Variants in CACNA2D3 observed in about 807,000 individuals in gnomAD.
The protein encoded by CACNA2D3 is voltage-dependent calcium channel subunit alpha-2/delta-3.
In CACNA2D3, 60 loss-of-function variants were observed where a neutral mutation model predicts 160.6. The observed-to-expected ratio is 0.37, with a 90% confidence interval of 0.30 to 0.46. The LOEUF is 0.46. CACNA2D3 is among the 20% of genes least tolerant of loss of function. The probability of loss-of-function intolerance (pLI) is 1.00; values close to 1 mark genes in which losing one functional copy is unlikely to be tolerated. For missense variants in CACNA2D3, 1,205 were observed against 1,365.0 expected, an observed-to-expected ratio of 0.88 and a Z score of 1.85; for synonymous variants, 558 against 492.9, an observed-to-expected ratio of 1.13 and a Z score of -1.75.
At chr3:55,034,799 A>G (rs1020560695) in intron 35 of CACNA2D3, among the ~76,000 whole-genome samples, 2 of 152,128 alleles carry the variant, frequency 1.3e-5, no homozygotes, top group African/African-American at 4.8e-5. Flanking sequence ...TCTTTAACCA[A>G]CACCACTTAG....
At chr3:54,576,897 C>T (rs987966786) in intron 8 of CACNA2D3, among the ~76,000 whole-genome samples, 1 of 151,926 alleles carries the variant, frequency 6.6e-6, no homozygotes, top group Non-Finnish European at 1.5e-5. Flanking sequence ...ATTAGCTGGA[C>T]GTGGTGGCAT....
intron 27 of CACNA2D3, among the ~76,000 whole-genome samples, chr3:54,945,729 A>G (rs1302327040): frequency 6.6e-6 from 1 of 152,148 alleles, no homozygotes; most frequent in Non-Finnish European, 1.5e-5. Flanking sequence ...TTAGGTGTCT[A>G]TAGGCAGCCT....
chr3:54,502,751 G>T (rs1701314124), intron 4 of CACNA2D3, among the ~76,000 whole-genome samples: 2 of 152,138 alleles, frequency 1.3e-5, no homozygotes, highest in South Asian at 4.1e-4. Context: ...TGTGAAGTAG[G>T]AATACTCATA....
At chr3:54,687,135 G>GTTTTTTTTTTTTTTTTTTTTTTTTTTTTT (rs1290353261) in intron 11 of CACNA2D3, among the ~76,000 whole-genome samples, 1 of 88,896 alleles carries the variant, frequency 1.1e-5, no homozygotes, top group Non-Finnish European at 2.2e-5. Context: ...TTTTTTTTTT[G>GTTTTTTTTTTTTTTTTTTTTTTTTTTTTT]TTTTTTTTTT....
chr3:54,166,023 G>A (rs1398494269), intron 2 of CACNA2D3, among the ~76,000 whole-genome samples: 1 of 152,124 alleles, frequency 6.6e-6, no homozygotes, highest in Non-Finnish European at 1.5e-5. Context: ...TAAGAGAGGA[G>A]CCCAGACATG....
At chr3:55,016,271 G>C (rs1046830514) in intron 34 of CACNA2D3, among the ~76,000 whole-genome samples, 1 of 152,208 alleles carries the variant, frequency 6.6e-6, no homozygotes, top group African/African-American at 2.4e-5. Context: ...TAGCACGAGT[G>C]CAGCAGGAGT....
At chr3:54,381,669 C>T (rs544728367) in intron 3 of CACNA2D3, among the ~76,000 whole-genome samples, 2 of 152,184 alleles carry the variant, frequency 1.3e-5, no homozygotes, top group East Asian at 1.9e-4. Context: ...TAATGTTGTG[C>T]GGATATACAT....
intron 13 of CACNA2D3, among the ~76,000 whole-genome samples, chr3:54,800,775 A>G (rs144761782): frequency 1.2e-4 from 19 of 152,300 alleles, no homozygotes; most frequent in African/African-American, 4.3e-4. Flanking sequence ...TTCAAAATTA[A>G]GTTTGAAAAT....
intron 34 of CACNA2D3, 55 bp downstream of exon 34, chr3:55,009,498 C>G (rs1409462949): frequency 6.8e-7 from 1 of 1,479,874 alleles, no homozygotes; most frequent in Non-Finnish European, 9.4e-7. Flanking sequence ...GCTGGGTTCA[C>G]TGGCTACTTT....
At chr3:54,296,161 A>T (rs1414839657) in intron 2 of CACNA2D3, among the ~76,000 whole-genome samples, 14 of 152,190 alleles carry the variant, frequency 9.2e-5, no homozygotes, top group Admixed American at 9.2e-4. Context: ...CATTTGGAAG[A>T]CGCCTGGGCA....
At position 55,074,224 on chromosome 3, in the gene CACNA2D3, TC is replaced by T. The variant is rs749966086; in HGVS notation, c.*19del. On this transcript the variant is annotated 3_prime_UTR_variant, in exon 38 of 38. Coordinates refer to ENST00000474759, the MANE Select transcript of CACNA2D3 (RefSeq NM_018398.3). ...CAAGGTGACACTGACTGAGATGTTC[TC>T]TTACTGACTGAGATGTTCTCTTGGC... 12 of 1,008,508 alleles carry T rather than the reference TC, an allele frequency of 1.2e-5. No homozygotes were observed. The highest frequency in any genetic ancestry group is 2.1e-5 in the Admixed American group (1 of 48,540). 62.5% of individuals were successfully genotyped at this position (1,008,508 alleles called of 1,614,324 possible). A position where few individuals can be genotyped will look rare whatever the true frequency, so the allele number is the denominator to read the frequency against.
chr3:55,004,810 G>A lies in CACNA2D3; in HGVS notation c.2738G>A (p.Ser913Asn). ...YQAMCRANKE[S>N]SDGAHGLLDP... ...GCCATGTGTAGAGCCAACAAGGAAA[G>A]CAGCGATGGCGCCCATGGCCTCCTG... The change falls in exon 32 of 38, where the codon AGC (serine) becomes AAC (asparagine). Residue 913 changes from serine to asparagine, a missense_variant. Coordinates refer to ENST00000474759, the MANE Select transcript of CACNA2D3 (RefSeq NM_018398.3). 6.2e-7 allele frequency: 1 copy of A among 1,613,630 alleles called. No homozygotes were observed. Among genetic ancestry groups the A allele is most frequent in the Non-Finnish European group, 8.5e-7 (1 of 1,179,650 alleles).
Position 54,562,911 on chromosome 3 carries a change from G to C in CACNA2D3, c.656G>C (p.Gly219Ala). The C allele has an allele frequency of 6.2e-7, 1 of 1,613,670 alleles. No homozygotes were observed. The highest frequency in any genetic ancestry group is 8.5e-7 in the Non-Finnish European group (1 of 1,179,690). Residue 219 changes from glycine (G) to alanine (A), a missense_variant, in exon 6 of 38, where the codon GGC becomes GCC. Gly to Ala is a moderately conservative substitution (Grantham distance 60). Around this residue, in one of 3 missense-constraint regions of CACNA2D3, gnomAD observed 131 missense variants for 201.5 expected, o/e 0.65. Coordinates refer to ENST00000474759, the MANE Select transcript of CACNA2D3 (RefSeq NM_018398.3). Reference sequence around the variant, plus strand: ...TGGCAGTACTTTGGAAGTGCAAAGGGCTTTTTTAGGCAGTATCCGGGTGAG... The same window carrying C: ...TGGCAGTACTTTGGAAGTGCAAAGGCCTTTTTTAGGCAGTATCCGGGTGAG... ...LIWQYFGSAK[G>A]FFRQYPGIKW...
At chr3:54,238,522 GCTT>G in intron 2 of CACNA2D3, among the ~76,000 whole-genome samples, 1 of 152,322 alleles carries the variant, frequency 6.6e-6, no homozygotes, top group South Asian at 2.1e-4. Context: ...TCATCACAGA[GCTT>G]CTTATGATTG....
At chr3:54,512,545 C>CT (rs945631113) in intron 5 of CACNA2D3, among the ~76,000 whole-genome samples, 2 of 152,142 alleles carry the variant, frequency 1.3e-5, no homozygotes, top group Non-Finnish European at 2.9e-5. Context: ...CTTGGAAACC[C>CT]TTTTTTCACT....
Position 54,837,368 on chromosome 3 carries a change from T to C in CACNA2D3, c.1470+138T>C, listed in dbSNP as rs529854330. On this transcript the variant is annotated intron_variant, in intron 15 of 37. Coordinates refer to ENST00000474759, the MANE Select transcript of CACNA2D3 (RefSeq NM_018398.3). ...TTTCCTTATTGTTTGATCTTGCTGT[T>C]AGAATCACCAAATCAAAAACAGATG... The C allele has an allele frequency of 1.7e-4, 125 of 737,382 alleles. No individual in the cohort carries two copies. The South Asian group carries it at 2.1e-3, about 12-fold the overall frequency. 45.7% of individuals were successfully genotyped at this position (737,382 alleles called of 1,614,324 possible).
rs143801825 is a variant in CACNA2D3, at chr3:54,969,770, C to A, written c.2512-30C>A. On this transcript the variant is annotated intron_variant, in intron 28 of 37. Transcript: ENST00000474759. ...CTGGGATGCCCAAGTAACATAGTAA[C>A]ACATTTCCCTCCACTTTTTGCCTTC... The A allele has an allele frequency of 1.7e-4, 281 of 1,609,030 alleles. No individual in the cohort carries two copies. In the African/African-American group the frequency reaches 3.4e-3, roughly 20 times the overall value.
intron 11 of CACNA2D3, among the ~76,000 whole-genome samples, chr3:54,727,885 T>C (rs1285654490): frequency 6.6e-6 from 1 of 152,190 alleles, no homozygotes; most frequent in Non-Finnish European, 1.5e-5. Context: ...TCTGCACATG[T>C]ACCCCAGAAC....
At chr3:54,801,745 G>T (rs1702992343) in intron 13 of CACNA2D3, among the ~76,000 whole-genome samples, 1 of 151,866 alleles carries the variant, frequency 6.6e-6, no homozygotes, top group African/African-American at 2.4e-5. Context: ...AAGTATATGT[G>T]TTGCCAAGAA....
Sources: allele counts gnomAD v4.1 joint callset (sites outside exome capture counted in the v4.1 genomes callset), GRCh38; gene constraint gnomAD v4.1.1; regional missense constraint gnomAD v4.1.1; transcripts MANE v1.5; gene names NCBI Gene and HGNC (gene_info 2026-07-23, HGNC 2026-07-21).